MICAL3: variants seen among roughly 807,000 people sequenced by gnomAD.
MICAL3 encodes the protein microtubule associated monooxygenase, calponin and LIM domain containing 3.
In MICAL3, 62 loss-of-function variants were observed where a neutral mutation model predicts 207.4. The ratio of observed to expected loss-of-function variants is 0.30; its 90% CI spans 0.24 to 0.37. The LOEUF (loss-of-function observed/expected upper bound fraction) is 0.37, where lower values mean the gene tolerates loss of function less well. Ranked by LOEUF, MICAL3 falls within the 10% of genes least tolerant of loss-of-function variation. The pLI, the probability that MICAL3 is intolerant of heterozygous loss-of-function variation, is 1.00. For synonymous variants in MICAL3, 1,077 were observed against 1,069.3 expected, an observed-to-expected ratio of 1.01 and a Z score of -0.14; for missense variants, 2,368 against 2,635.6, an observed-to-expected ratio of 0.90 and a Z score of 2.22.
At chr22:18,002,469 C>G (rs1923102937) in intron 1 of MICAL3, among the ~76,000 whole-genome samples, 1 of 151,908 alleles carries the variant, frequency 6.6e-6, no homozygotes, top group Non-Finnish European at 1.5e-5. Flanking sequence ...CCCGTCTCTA[C>G]TAAAAATACA....
chr22:17,864,292 C>A, intron 19 of MICAL3: 1 of 1,080,594 alleles, frequency 9.3e-7, no homozygotes, highest in Non-Finnish European at 1.1e-6. Context: ...CATGACAAGC[C>A]CAGTGGCCAA....
Position 17,789,267 on chromosome 22 carries a change from G to C in MICAL3, c.*1465C>G, listed in dbSNP as rs1286157480. 5 of 152,276 alleles carry C rather than the reference G, an allele frequency of 3.3e-5. No individual in the cohort carries two copies. The highest frequency in any genetic ancestry group is 5.9e-5 in the Non-Finnish European group (4 of 68,076). The allele number at this position is 152,276 out of a possible 1,614,324, so 9.4% of individuals were successfully genotyped here. A position where few individuals can be genotyped will look rare whatever the true frequency, so the allele number is the denominator to read the frequency against. ...CACTGCAGCACTCGCGTTTCCGTCTGGGTGAATCTTAGGCTGGGAGGAGGG... is the reference window on the plus strand; with the variant it reads ...CACTGCAGCACTCGCGTTTCCGTCTCGGTGAATCTTAGGCTGGGAGGAGGG... On this transcript the variant is annotated 3_prime_UTR_variant, in exon 32 of 32. Transcript: ENST00000441493.
intron 20 of MICAL3, among the ~76,000 whole-genome samples, chr22:17,836,781 A>T (rs186077908): frequency 6.6e-6 from 1 of 151,890 alleles, no homozygotes; most frequent in East Asian, 1.9e-4. Flanking sequence ...AGCAGCTGGG[A>T]CTACTCGGCC....
intron 19 of MICAL3, among the ~76,000 whole-genome samples, chr22:17,849,690 T>TGTA (rs1925078067): frequency 4.5e-5 from 3 of 66,646 alleles, no homozygotes; most frequent in African/African-American, 1.4e-4. Context: ...GTGTGTGTAT[T>TGTA]TTTTTTTTTT....
At chr22:17,791,441 C>T in intron 29 of MICAL3, 140 bp from the exon 30 acceptor site, 1 of 745,666 alleles carries the variant, frequency 1.3e-6, no homozygotes, top group Non-Finnish European at 2.3e-6. Flanking sequence ...CCAAGGTTTG[C>T]CTGCAGCCAT....
chr22:17,895,114 T>C (rs774268014), intron 10 of MICAL3, among the ~76,000 whole-genome samples, 170 bp downstream of exon 10: 12 of 152,224 alleles, frequency 7.9e-5, no homozygotes, highest in Non-Finnish European at 1.6e-4. Context: ...TCTCAATCTG[T>C]TGATGGAAAA....
intron 1 of MICAL3, among the ~76,000 whole-genome samples, chr22:17,966,143 C>T (rs1364322621): frequency 6.6e-6 from 1 of 152,208 alleles, no homozygotes; most frequent in African/African-American, 2.4e-5. Context: ...CCACATCCTG[C>T]TTGACAACCA....
At chr22:18,018,541 T>C (rs1166761325) in intron 1 of MICAL3, among the ~76,000 whole-genome samples, 1 of 151,844 alleles carries the variant, frequency 6.6e-6, no homozygotes, top group African/African-American at 2.4e-5. Context: ...CTGGCCAACA[T>C]GGTAACCCCA....
In MICAL3 at chr22:17,899,576, G is replaced by T. The variant is rs188185634; in HGVS notation, c.848-28C>A. On this transcript the variant is annotated intron_variant, in intron 6 of 31. Transcript: ENST00000441493. The stretch of plus-strand genomic sequence containing the variant: ...GGGGCCAGAAGACAAACGTGTGCAT[G>T]TAAGTTTGCTGAGATGAAGGTGCAT... The T allele has an allele frequency of 3.8e-5, 56 of 1,460,938 alleles. No individual in the cohort carries two copies. In the African/African-American group the frequency reaches 6.4e-4, roughly 17 times the overall value. The allele number at this position is 1,460,938 out of a possible 1,614,324, so 90.5% of individuals were successfully genotyped here.
rs1215863914 is a variant in MICAL3 at position 17,841,691 on chromosome 22, G to C, written c.2801+131C>G. 1 of 862,594 alleles carries C rather than the reference G, an allele frequency of 1.2e-6. No homozygotes were observed. Among genetic ancestry groups the C allele is most frequent in the Non-Finnish European group, 1.8e-6 (1 of 552,578 alleles). 53.4% of individuals were successfully genotyped at this position (862,594 alleles called of 1,614,324 possible). On this transcript the variant is annotated intron_variant, in intron 20 of 31. Coordinates refer to ENST00000441493, the MANE Select transcript of MICAL3 (RefSeq NM_015241.3). This position sits in a 1 kb window ranked among gnomAD's most constrained non-coding sequence, Gnocchi z 4.2. ...GAGGCTAAGAACCTAAAAGGGACTG[G>C]GGAGAATGGACTGCGGGCAGCAGGA...
At chr22:17,934,948 G>C (rs919449833) in intron 1 of MICAL3, among the ~76,000 whole-genome samples, 3 of 152,092 alleles carry the variant, frequency 2.0e-5, no homozygotes, top group African/African-American at 7.2e-5. Flanking sequence ...ACTGCTCAAT[G>C]AAATAAAAGA....
rs1408261749 is a variant in MICAL3 at position 17,974,096 on chromosome 22, G to A, written c.-75+50185C>T. Among the ~76,000 whole-genome samples, 228 of 152,264 alleles carry A rather than the reference G, an allele frequency of 1.5e-3. 2 individuals are homozygous for A. The highest frequency in any genetic ancestry group is 1.8e-4 in the Non-Finnish European group (12 of 68,032). ...GAGCTGCCAAAATTCCAGGCTCAGGGCAAAGAATGACTTTCCTGTTACTCT... is the reference window on the plus strand; with the variant it reads ...GAGCTGCCAAAATTCCAGGCTCAGGACAAAGAATGACTTTCCTGTTACTCT... On this transcript the variant is annotated intron_variant, in intron 1 of 31. Transcript: ENST00000441493.
At chr22:17,865,705 A>G (rs1927034056) in intron 18 of MICAL3, among the ~76,000 whole-genome samples, 1 of 152,138 alleles carries the variant, frequency 6.6e-6, no homozygotes, top group Non-Finnish European at 1.5e-5. Flanking sequence ...GGTCCGACTC[A>G]GGGGGCAGGT....
At position 17,816,380 on chromosome 22, in the gene MICAL3, T is replaced by C. The variant is rs368996654; in HGVS notation, c.5445+310A>G. Among the ~76,000 whole-genome samples, 17 of 152,328 alleles carry C rather than the reference T, an allele frequency of 1.1e-4. No individual in the cohort carries two copies. In the East Asian group the frequency reaches 1.9e-3, roughly 17 times the overall value. ...GTGGGCTGCTCCCCGCGGGATCACC[T>C]ATGAAGAAAGACAATGCCAGGCTGC... On this transcript the variant is annotated intron_variant, in intron 27 of 31. Coordinates refer to ENST00000441493, the MANE Select transcript of MICAL3 (RefSeq NM_015241.3).
intron 17 of MICAL3, among the ~76,000 whole-genome samples, chr22:17,869,185 G>A (rs1360763515): frequency 6.6e-6 from 1 of 152,178 alleles, no homozygotes; most frequent in Non-Finnish European, 1.5e-5. Flanking sequence ...GGCTGGGGTG[G>A]ACACGCAATG....
Position 17,841,744 on chromosome 22 carries a change from A to G in MICAL3, c.2801+78T>C. On this transcript the variant is annotated intron_variant, in intron 20 of 31. Coordinates refer to ENST00000441493, the MANE Select transcript of MICAL3 (RefSeq NM_015241.3). This position sits in a 1 kb window ranked among gnomAD's most constrained non-coding sequence, Gnocchi z 4.2. ...GACAGGAGGCCTCCCTTCACTGAGAAGAAACCGAGACACACAGAGGTGAGG... is the reference window on the plus strand; with the variant it reads ...GACAGGAGGCCTCCCTTCACTGAGAGGAAACCGAGACACACAGAGGTGAGG... 8 of 1,446,572 alleles carry G rather than the reference A, an allele frequency of 5.5e-6. No individual in the cohort carries two copies. Among genetic ancestry groups the G allele is most frequent in the Non-Finnish European group, 7.5e-6 (8 of 1,063,322 alleles). The allele number at this position is 1,446,572 out of a possible 1,614,324, so 89.6% of individuals were successfully genotyped here.
At chr22:17,860,283 C>G in intron 19 of MICAL3, 1 of 985,378 alleles carries the variant, frequency 1.0e-6, no homozygotes. Flanking sequence ...AATAAAAACT[C>G]ACAAAGAAAC....
At chr22:17,960,266 G>T (rs578120095) in intron 1 of MICAL3, among the ~76,000 whole-genome samples, 1 of 152,088 alleles carries the variant, frequency 6.6e-6, no homozygotes, top group Admixed American at 6.5e-5. Flanking sequence ...CTCACTGGGG[G>T]TCAGCGATTC....
chr22:17,805,501 C>A (rs1601936169), intron 29 of MICAL3, among the ~76,000 whole-genome samples: 1 of 152,334 alleles, frequency 6.6e-6, no homozygotes, highest in East Asian at 1.9e-4. Context: ...AATATCCCAA[C>A]AGAGCTACTA....
Sources: gnomAD v4.1 joint callset for allele counts (sites outside exome capture counted in the v4.1 genomes callset) on GRCh38, gnomAD v4.1.1 for gene constraint, Gnocchi (gnomAD v3.1) non-coding constraint, MANE v1.5 for transcripts, NCBI Gene and HGNC (gene_info 2026-07-23, HGNC 2026-07-21) for gene names.